The following ANO1 variants were observed in gnomAD, a reference collection of about 807,000 sequenced individuals.
The protein encoded by ANO1 is anoctamin-1.
In ANO1, 59 loss-of-function variants were observed where a neutral mutation model predicts 124.0. The ratio of observed to expected loss-of-function variants is 0.48; its 90% CI spans 0.39 to 0.59. The LOEUF (loss-of-function observed/expected upper bound fraction) is 0.59. ANO1 is among the 20% of genes least tolerant of loss of function. The pLI is 0.00. For missense variants in ANO1, 1,059 were observed against 1,328.0 expected, an observed-to-expected ratio of 0.80 and a Z score of 3.15; for synonymous variants, 529 against 532.0, an observed-to-expected ratio of 0.99 and a Z score of 0.08.
In ANO1 at chr11:70,087,862, C is replaced by T; in HGVS notation, c.219C>T (p.Pro73=). Residue 73 remains proline (P), a synonymous_variant, in exon 2 of 26, where the codon CCC becomes CCT. Coordinates refer to ENST00000355303, the MANE Select transcript of ANO1 (RefSeq NM_018043.7). ...DYILVYHHKR[P]SGNRTLVRRV... ...TCCTGGTGTACCATCACAAGAGGCC[C>T]TCGGGCAACCGGACCCTGGTCAGGA... The T allele has an allele frequency of 6.2e-7, 1 of 1,612,790 alleles. No individual in the cohort carries two copies. The highest frequency in any genetic ancestry group is 8.5e-7 in the Non-Finnish European group (1 of 1,179,680).
intron 1 of ANO1, among the ~76,000 whole-genome samples, chr11:69,998,884 G>A (rs529299538): frequency 1.3e-5 from 2 of 152,228 alleles, no homozygotes; most frequent in East Asian, 1.9e-4. Flanking sequence ...GGAGGTGGAG[G>A]TTGCAGTGAG....
intron 7 of ANO1, among the ~76,000 whole-genome samples, chr11:70,114,029 TTGAC>T (rs1265047377): frequency 1.3e-5 from 2 of 152,206 alleles, no homozygotes; most frequent in African/African-American, 2.4e-5. Flanking sequence ...ACAGTTTAAA[TTGAC>T]TGGCGCAAAA....
chr11:70,095,279 G>GGAAGGAAGGAAGGAAA (rs1555017294), intron 2 of ANO1, among the ~76,000 whole-genome samples: 27 of 95,558 alleles, frequency 2.8e-4, no homozygotes, highest in African/African-American at 1.2e-3. Flanking sequence ...AAGGAAGGAA[G>GGAAGGAAGGAAGGAAA]GAAGGAAGGA....
chr11:70,072,830 A>C (rs1555009506), intron 1 of ANO1: 1 of 152,366 alleles, frequency 6.6e-6, no homozygotes, highest in African/African-American at 2.4e-5. Context: ...CAGGGGTGCC[A>C]ACCTATGTCC....
chr11:69,968,255 G>A, the ANO1 span, among the ~76,000 whole-genome samples: 2 of 152,120 alleles, frequency 1.3e-5, no homozygotes, highest in Non-Finnish European at 2.9e-5. Flanking sequence ...CCTGAGAGAG[G>A]CCTGAGCCAG....
chr11:70,116,481 C>G lies in ANO1; in HGVS notation c.879C>G (p.Val293=), dbSNP rs912614155. 3.1e-6 allele frequency: 5 copies of G among 1,597,826 alleles called. No homozygotes were observed. Among genetic ancestry groups the G allele is most frequent in the Admixed American group, 3.5e-5 (2 of 57,582 alleles). The change falls in exon 8 of 26, where the codon GTC becomes GTG. Residue 293 remains valine, a synonymous_variant. Coordinates refer to ENST00000355303, the MANE Select transcript of ANO1 (RefSeq NM_018043.7). ...AGGGAGACTACAACGGTGAAAACGT[C>G]GAGTTCAACGACAGAAAAGTAAGTT... ...LHDGDYNGEN[V]EFNDRKLLYE...
At chr11:70,178,414 C>T (rs1007801004) in intron 22 of ANO1, among the ~76,000 whole-genome samples, 4 of 152,216 alleles carry the variant, frequency 2.6e-5, no homozygotes, top group Non-Finnish European at 5.9e-5. Context: ...GACCACTGCA[C>T]TCGTGCAAAA....
At chr11:70,030,461 C>G (rs1856981282) in intron 1 of ANO1, among the ~76,000 whole-genome samples, 1 of 152,124 alleles carries the variant, frequency 6.6e-6, no homozygotes, top group South Asian at 2.1e-4. Context: ...TCTTTTCAGC[C>G]CTGGAGGTCA....
At chr11:70,098,404 G>A (rs2045106133) in intron 2 of ANO1, among the ~76,000 whole-genome samples, 1 of 152,200 alleles carries the variant, frequency 6.6e-6, no homozygotes, top group Non-Finnish European at 1.5e-5. Flanking sequence ...GGAGGTGCCT[G>A]GCCTGCTGTG....
At chr11:70,177,003 T>C (rs1265248749) in intron 22 of ANO1, among the ~76,000 whole-genome samples, 3 of 152,116 alleles carry the variant, frequency 2.0e-5, no homozygotes, top group Non-Finnish European at 1.5e-5. Context: ...GTAGATATCC[T>C]GCAGACCTGT....
chr11:70,018,031 G>A (rs1043687858), intron 1 of ANO1, among the ~76,000 whole-genome samples: 1 of 151,998 alleles, frequency 6.6e-6, no homozygotes, highest in Non-Finnish European at 1.5e-5. Context: ...GTGGGGCCCA[G>A]TCCAAAACAA....
At chr11:70,139,056 G>A (rs979581516) in intron 11 of ANO1, among the ~76,000 whole-genome samples, 4 of 152,102 alleles carry the variant, frequency 2.6e-5, no homozygotes, top group Non-Finnish European at 4.4e-5. Flanking sequence ...TCCTGCATTC[G>A]TTTAGTCCGC....
At chr11:70,147,844 C>T (rs928527472) in intron 11 of ANO1, among the ~76,000 whole-genome samples, 8 of 152,226 alleles carry the variant, frequency 5.3e-5, no homozygotes, top group African/African-American at 1.7e-4. Flanking sequence ...GATGCCAGCT[C>T]CTGCTGTGGG....
upstream of ANO1, among the ~76,000 whole-genome samples, chr11:69,983,414 G>T (rs1201270381): frequency 2.6e-5 from 4 of 152,154 alleles, no homozygotes; most frequent in Non-Finnish European, 5.9e-5. Flanking sequence ...CCGTAATGAC[G>T]GCTGTGTGTT....
intron 15 of ANO1, 43 bp from the exon 16 acceptor site, chr11:70,156,904 C>A (rs779773601): frequency 1.3e-6 from 2 of 1,581,650 alleles, no homozygotes; most frequent in African/African-American, 2.7e-5. Flanking sequence ...GATGTCTCAT[C>A]GTGATGGTTC....
chr11:70,156,463 T>C (rs2047821479), intron 15 of ANO1, among the ~76,000 whole-genome samples: 1 of 152,236 alleles, frequency 6.6e-6, no homozygotes, highest in Admixed American at 6.5e-5. Context: ...TCAGGACATG[T>C]GTCACCGCAG....
chr11:69,980,826 G>A, the ANO1 span, among the ~76,000 whole-genome samples: 2 of 152,164 alleles, frequency 1.3e-5, no homozygotes, highest in South Asian at 2.1e-4. Context: ...GGCCAAGGCG[G>A]GCAGATCACA....
Position 70,059,020 on chromosome 11 carries a change from A to G in ANO1, c.59-19522A>G, listed in dbSNP as rs552955270. On this transcript the variant is annotated intron_variant, in intron 1 of 27. Transcript: ENST00000531349. The stretch of plus-strand genomic sequence containing the variant: ...AACACGGTGAAACCCCGTCTCTACT[A>G]AAAAAAAAAAAAACACAAAAAATTA... Among the ~76,000 whole-genome samples the G allele has an allele frequency of 5.9e-5, 8 of 135,572 alleles. No individual in the cohort carries two copies. The South Asian group carries it at 1.9e-3, about 32-fold the overall frequency. 88.9% of individuals were successfully genotyped at this position (135,572 alleles called of 152,430 possible). A position where few individuals can be genotyped will look rare whatever the true frequency, so the allele number is the denominator to read the frequency against.
intron 1 of ANO1, among the ~76,000 whole-genome samples, chr11:70,046,755 G>A (rs1262728897): frequency 1.3e-5 from 2 of 152,044 alleles, no homozygotes; most frequent in Non-Finnish European, 2.9e-5. Context: ...AAAGAATAAT[G>A]ATGTAAAATG....
Sources: allele counts gnomAD v4.1 joint callset (sites outside exome capture counted in the v4.1 genomes callset), GRCh38; gene constraint gnomAD v4.1.1; transcripts MANE v1.5; gene names NCBI Gene and HGNC (gene_info 2026-07-23, HGNC 2026-07-21).